RSRC1: variants seen among roughly 807,000 people sequenced by gnomAD.
RSRC1 encodes arginine and serine rich coiled-coil 1, also known as serine/Arginine-related protein 53.
Under a neutral mutation model 49.1 loss-of-function variants are expected in RSRC1, and 39 were observed. That is an observed-to-expected ratio of 0.79 (90% CI 0.61 to 1.04). RSRC1 has a LOEUF of 1.04. Among genes scored for constraint, RSRC1 ranks in the 50% least tolerant of loss-of-function variants. The pLI is 0.00. For synonymous variants in RSRC1, 143 were observed against 130.8 expected, an observed-to-expected ratio of 1.09 and a Z score of -0.63; for missense variants, 388 against 402.4, an observed-to-expected ratio of 0.96 and a Z score of 0.31.
intron 7 of RSRC1, among the ~76,000 whole-genome samples, chr3:158,504,786 CAT>C (rs1739778309): frequency 6.6e-6 from 1 of 152,196 alleles, no homozygotes; most frequent in Non-Finnish European, 1.5e-5. Flanking sequence ...ATATAGAAAG[CAT>C]GCCTATTATG....
At chr3:158,504,563 C>T (rs774152040) in intron 7 of RSRC1, among the ~76,000 whole-genome samples, 16 of 152,310 alleles carry the variant, frequency 1.1e-4, no homozygotes, top group African/African-American at 2.4e-4. Context: ...TCTTTCTACT[C>T]ACTGGGTACT....
intron 5 of RSRC1, among the ~76,000 whole-genome samples, chr3:158,326,553 A>G (rs1441411037): frequency 6.6e-6 from 1 of 152,038 alleles, no homozygotes; most frequent in Non-Finnish European, 1.5e-5. Flanking sequence ...TGTATGTTGA[A>G]CCAGCCTTGC....
intron 5 of RSRC1, 29 bp from the exon 6 acceptor site, chr3:158,354,828 G>A: frequency 1.3e-6 from 2 of 1,507,266 alleles, no homozygotes; most frequent in Non-Finnish European, 8.9e-7. Context: ...AGTCTTGTAT[G>A]GTTGAATTTT....
At chr3:158,214,048 A>T (rs699929) in intron 4 of RSRC1, among the ~76,000 whole-genome samples, 86,094 of 149,694 alleles carry the variant, frequency 0.58, 24,856 homozygotes, top group East Asian at 0.74. Flanking sequence ...AACAATAAAA[A>T]ATTATACAAA....
chr3:158,242,307 G>GT (rs967374549), intron 4 of RSRC1, among the ~76,000 whole-genome samples: 41 of 151,846 alleles, frequency 2.7e-4, no homozygotes, highest in Non-Finnish European at 4.3e-4. Flanking sequence ...GCGATATTTG[G>GT]TTTTTTGTTC....
chr3:158,477,837 A>G (rs1323001355), intron 7 of RSRC1, among the ~76,000 whole-genome samples: 5 of 113,664 alleles, frequency 4.4e-5, no homozygotes, highest in African/African-American at 4.1e-5. Flanking sequence ...TGAAAGCCCT[A>G]TGATAATATA....
intron 6 of RSRC1, among the ~76,000 whole-genome samples, chr3:158,434,387 GA>G (rs10708678): frequency 0.61 from 92,134 of 151,458 alleles, 28,900 homozygotes; most frequent in African/African-American, 0.75. Flanking sequence ...AATATCCAGT[GA>G]AAAAAAATGG....
intron 3 of RSRC1, among the ~76,000 whole-genome samples, chr3:158,148,415 T>C (rs1344782776): frequency 6.6e-6 from 1 of 151,796 alleles, no homozygotes; most frequent in Non-Finnish European, 1.5e-5. Context: ...CTGGAAGCCT[T>C]AGACATGACT....
chr3:158,197,101 G>T (rs988181470), intron 3 of RSRC1, among the ~76,000 whole-genome samples: 1 of 152,112 alleles, frequency 6.6e-6, no homozygotes, highest in African/African-American at 2.4e-5. Flanking sequence ...TGTACCTCTG[G>T]TAGAATTTGG....
intron 6 of RSRC1, among the ~76,000 whole-genome samples, chr3:158,409,814 A>G (rs1018023558): frequency 6.6e-6 from 1 of 152,286 alleles, no homozygotes; most frequent in Admixed American, 6.5e-5. Flanking sequence ...AAAAACCATT[A>G]GAATAATAAA....
At chr3:158,490,095 T>G (rs1239004033) in intron 7 of RSRC1, among the ~76,000 whole-genome samples, 8 of 152,306 alleles carry the variant, frequency 5.3e-5, no homozygotes, top group Middle Eastern at 3.4e-3. Flanking sequence ...TGGTTTTGTT[T>G]TGTTTTTGAG....
chr3:158,212,060 A>G (rs931291996), intron 4 of RSRC1, among the ~76,000 whole-genome samples: 2 of 151,842 alleles, frequency 1.3e-5, no homozygotes, highest in Non-Finnish European at 2.9e-5. Context: ...GTACCCTTGC[A>G]GTTAATTCCC....
intron 6 of RSRC1, among the ~76,000 whole-genome samples, chr3:158,366,083 C>T (rs541969190): frequency 1.3e-4 from 20 of 151,988 alleles, no homozygotes; most frequent in Non-Finnish European, 2.4e-4. Flanking sequence ...AAATTTTCTC[C>T]CATTCTGTAG....
At chr3:158,347,053 A>G (rs1242805061) in intron 5 of RSRC1, among the ~76,000 whole-genome samples, 2 of 152,248 alleles carry the variant, frequency 1.3e-5, no homozygotes, top group African/African-American at 2.4e-5. Context: ...TTATACCTCA[A>G]TAAAGCTATC....
chr3:158,284,627 A>G (rs1202961359), intron 4 of RSRC1, among the ~76,000 whole-genome samples: 1 of 146,744 alleles, frequency 6.8e-6, no homozygotes, highest in African/African-American at 2.5e-5. Context: ...TTTGATTTGC[A>G]TTTCTCTGAT....
intron 3 of RSRC1, among the ~76,000 whole-genome samples, chr3:158,151,925 T>G (rs1435417224): frequency 6.6e-6 from 1 of 152,150 alleles, no homozygotes; most frequent in East Asian, 1.9e-4. Context: ...TATTTAATAT[T>G]GTAGAGTAAA....
At chr3:158,473,752 G>T (rs982726429) in intron 7 of RSRC1, among the ~76,000 whole-genome samples, 7 of 151,922 alleles carry the variant, frequency 4.6e-5, no homozygotes, top group African/African-American at 1.7e-4. Context: ...CACTGGAGTT[G>T]TTTTAGGCAA....
chr3:158,340,172 C>G (rs190502341), intron 5 of RSRC1, among the ~76,000 whole-genome samples: 122 of 152,242 alleles, frequency 8.0e-4, no homozygotes, highest in Admixed American at 2.0e-3. Flanking sequence ...GTGCTATTCT[C>G]GTGATAGTGA....
chr3:158,153,846 G>T (rs1578140787), intron 3 of RSRC1, among the ~76,000 whole-genome samples: 1 of 145,546 alleles, frequency 6.9e-6, no homozygotes, highest in Non-Finnish European at 1.5e-5. Context: ...ACTTCTCTTT[G>T]TCTGTTGCTC....
Sources: allele counts gnomAD v4.1 joint callset (sites outside exome capture counted in the v4.1 genomes callset), GRCh38; gene constraint gnomAD v4.1.1; transcripts MANE v1.5; gene names NCBI Gene and HGNC (gene_info 2026-07-23, HGNC 2026-07-21).